The following SCN4B variants were observed in gnomAD, a reference collection of about 807,000 sequenced individuals.
SCN4B encodes sodium channel regulatory subunit beta-4.
A neutral mutation model predicts 19.6 loss-of-function variants in SCN4B; 20 were observed. The ratio of observed to expected loss-of-function variants is 1.02; its 90% CI spans 0.72 to 1.48. The LOEUF (loss-of-function observed/expected upper bound fraction) is 1.48. Among genes scored for constraint, SCN4B ranks in the 40% most tolerant of loss-of-function variants. The pLI is 0.00. For missense variants in SCN4B, 271 were observed against 287.5 expected, an observed-to-expected ratio of 0.94 and a Z score of 0.42; for synonymous variants, 127 against 122.8, an observed-to-expected ratio of 1.03 and a Z score of -0.22.
intron 1 of SCN4B, among the ~76,000 whole-genome samples, chr11:118,149,276 G>A (rs150132376): frequency 2.0e-5 from 3 of 152,322 alleles, no homozygotes; most frequent in Non-Finnish European, 4.4e-5. Context: ...CCCAGGATGC[G>A]GGGAGGAAAG....
Position 118,135,824 on chromosome 11 carries a change from G to A in SCN4B, c.*1203C>T, listed in dbSNP as rs1403188503. 1.5e-5 allele frequency: 7 copies of A among 454,392 alleles called. No homozygotes were observed. Among genetic ancestry groups the A allele is most frequent in the Non-Finnish European group, 3.1e-5 (7 of 226,782 alleles). The allele number at this position is 454,392 out of a possible 1,614,324, so 28.1% of individuals were successfully genotyped here. A position where few individuals can be genotyped will look rare whatever the true frequency, so the allele number is the denominator to read the frequency against. ...CCACACACAAGGGCTGTGCAAACCA[G>A]CTCTGGGAGAAGCAAAGGAAAACTG... On this transcript the variant is annotated 3_prime_UTR_variant, in exon 5 of 5. Transcript: ENST00000324727.
intron 4 of SCN4B, among the ~76,000 whole-genome samples, chr11:118,138,760 T>C (rs1036109446): frequency 1.1e-4 from 17 of 152,058 alleles, no homozygotes; most frequent in Non-Finnish European, 1.6e-4. Flanking sequence ...CAGGGAAGCT[T>C]TTTGGAAGTA....
Position 118,141,355 on chromosome 11 carries a change from G to A in SCN4B, c.464-19C>T, listed in dbSNP as rs2135501725. On this transcript the variant is annotated intron_variant, in intron 3 of 4. Transcript: ENST00000324727. ...TCTTCCACTGTGTGGCCCGAGTAGG[G>A]AGGAAAGGGAAGGCACAAAGGGAGC... is the stretch of plus-strand genomic sequence containing the variant. 8 of 1,612,198 alleles carry A rather than the reference G, an allele frequency of 5.0e-6. No homozygotes were observed. The highest frequency in any genetic ancestry group is 6.8e-6 in the Non-Finnish European group (8 of 1,180,006).
intron 3 of SCN4B, among the ~76,000 whole-genome samples, chr11:118,142,318 C>T (rs773511437): frequency 6.6e-6 from 1 of 152,226 alleles, no homozygotes; most frequent in African/African-American, 2.4e-5. Flanking sequence ...TGATTCTTCA[C>T]GCATCTGCCT....
chr11:118,151,926 T>C (rs1312427773), intron 1 of SCN4B, among the ~76,000 whole-genome samples: 1 of 152,366 alleles, frequency 6.6e-6, no homozygotes, highest in Admixed American at 6.5e-5. Flanking sequence ...TGTCTCCATA[T>C]TCACTTCAAA....
At chr11:118,145,318 C>G in intron 1 of SCN4B, 89 bp from the exon 2 acceptor site, 1 of 1,588,196 alleles carries the variant, frequency 6.3e-7, no homozygotes, top group Non-Finnish European at 8.5e-7. Context: ...GTAGCTTGGC[C>G]AGGCAGGTAG....
At chr11:118,142,625 C>T (rs1292562710) in intron 3 of SCN4B, among the ~76,000 whole-genome samples, 1 of 152,136 alleles carries the variant, frequency 6.6e-6, no homozygotes, top group African/African-American at 2.4e-5. Flanking sequence ...ATATCACATC[C>T]TCGGAATCTA....
chr11:118,147,576 C>T (rs954978103), intron 1 of SCN4B, among the ~76,000 whole-genome samples: 7 of 152,168 alleles, frequency 4.6e-5, no homozygotes, highest in African/African-American at 1.7e-4. Flanking sequence ...TACCTCTGCC[C>T]TCCTCCGCCC....
chr11:118,147,561 C>A (rs567222463), intron 1 of SCN4B, among the ~76,000 whole-genome samples: 1 of 152,302 alleles, frequency 6.6e-6, no homozygotes, highest in South Asian at 2.1e-4. Flanking sequence ...TCCTGCCTTT[C>A]TGTTTACCTC....
chr11:118,141,497 A>T (rs993357232), intron 3 of SCN4B, 161 bp from the exon 4 acceptor site: 38 of 784,970 alleles, frequency 4.8e-5, no homozygotes, highest in African/African-American at 4.8e-4. Context: ...CTGCAGCAGG[A>T]AGCTGGAGAG....
rs3741315 is a variant in SCN4B, at chr11:118,133,973, A to G, written c.*3054T>C. The G allele has an allele frequency of 0.61, 276,649 of 454,308 alleles. 84,841 individuals carry two copies. The highest frequency in any genetic ancestry group is 0.7 in the South Asian group (45,268 of 64,448). The allele number at this position is 454,308 out of a possible 1,614,324, so 28.1% of individuals were successfully genotyped here. ...CACCCCTTACATGCAGAGCCCATCC[A>G]CTCCACAGTTACGCTGCCATGCACC... On this transcript the variant is annotated 3_prime_UTR_variant, in exon 5 of 5. Coordinates refer to ENST00000324727, the MANE Select transcript of SCN4B (RefSeq NM_174934.4).
rs773921790 is a variant in SCN4B at position 118,137,096 on chromosome 11, C to G, written c.618G>C (p.Ser206=). The G allele has an allele frequency of 6.2e-7, 1 of 1,613,950 alleles. No homozygotes were observed. The highest frequency in any genetic ancestry group is 8.5e-7 in the Non-Finnish European group (1 of 1,179,824). Residue 206 remains serine, a synonymous_variant, in exon 5 of 5, where the codon TCG becomes TCC. Coordinates refer to ENST00000324727, the MANE Select transcript of SCN4B (RefSeq NM_174934.4). ...EKKKECLVSS[S]GNDNTENGLP... ...AGCCGTTCTCCGTGTTGTCATTCCC[C>G]GAGGAGCTCACGAGACACTCCTTCC...
At chr11:118,147,108 C>T (rs1412904374) in intron 1 of SCN4B, among the ~76,000 whole-genome samples, 1 of 152,152 alleles carries the variant, frequency 6.6e-6, no homozygotes. Flanking sequence ...CGAGAAAGTT[C>T]CCAGGGAATG....
Position 118,143,835 on chromosome 11 carries a change from C to T in SCN4B, c.461G>A (p.Arg154Lys). 1 of 1,611,232 alleles carries T rather than the reference C, an allele frequency of 6.2e-7. No homozygotes were observed. The highest frequency in any genetic ancestry group is 1.1e-5 in the South Asian group (1 of 90,970). ...CTGTGCCAGCCCCTACTGCATACGT[C>T]TATCAACGACTTGGAGGAAGATGGT... ...HATIFLQVVD[R>K]LEEVDNTVTL... Residue 154 changes from arginine to lysine, a missense_variant and splice_region_variant, in exon 3 of 5, where the codon AGA (arginine) becomes AAA (lysine). Arg to Lys is a conservative substitution (Grantham distance 26). Coordinates refer to ENST00000324727, the MANE Select transcript of SCN4B (RefSeq NM_174934.4).
chr11:118,142,348 G>C (rs1208447489), intron 3 of SCN4B, among the ~76,000 whole-genome samples: 3 of 152,170 alleles, frequency 2.0e-5, no homozygotes, highest in African/African-American at 4.8e-5. Flanking sequence ...TGCACTCACT[G>C]TTCCCTCCCT....
chr11:118,151,122 G>GCACA (rs3837425), intron 1 of SCN4B, among the ~76,000 whole-genome samples: 19,372 of 149,106 alleles, frequency 0.13, 1,275 homozygotes, highest in Middle Eastern at 0.19. Flanking sequence ...TTACACACGT[G>GCACA]CACACACACA....
rs1351902482 is a variant in SCN4B at position 118,133,818 on chromosome 11, T to C, written c.*3209A>G. 1 of 454,406 alleles carries C rather than the reference T, an allele frequency of 2.2e-6. No individual in the cohort carries two copies. The highest frequency in any genetic ancestry group is 1.6e-5 in the South Asian group (1 of 64,462). The allele number at this position is 454,406 out of a possible 1,614,324, so 28.1% of individuals were successfully genotyped here. On this transcript the variant is annotated 3_prime_UTR_variant, in exon 5 of 5. Transcript: ENST00000324727. The stretch of plus-strand genomic sequence containing the variant: ...GTGACACTGAGATGAAGTCATGGAG[T>C]GACGGAATGCAGGAGCACGGCTGGT...
intron 3 of SCN4B, 87 bp from the exon 4 acceptor site, chr11:118,141,423 ATG>A (rs1483862181): frequency 6.5e-7 from 1 of 1,544,244 alleles, no homozygotes; most frequent in Non-Finnish European, 8.9e-7. Flanking sequence ...TGCAAGGGCC[ATG>A]TAGCCTCCAC....
In SCN4B at chr11:118,135,968, G is replaced by A. The variant is rs1396313829; in HGVS notation, c.*1059C>T. 9 of 453,932 alleles carry A rather than the reference G, an allele frequency of 2.0e-5. No homozygotes were observed. Among genetic ancestry groups the A allele is most frequent in the Non-Finnish European group, 3.5e-5 (8 of 226,648 alleles). The allele number at this position is 453,932 out of a possible 1,614,324, so 28.1% of individuals were successfully genotyped here. ...TCCAAAGGAAGAGAGTCCCTGAGGC[G>A]AAGGCAGGCCCTTGACCCAGGGCTG... On this transcript the variant is annotated 3_prime_UTR_variant, in exon 5 of 5. Coordinates refer to ENST00000324727, the MANE Select transcript of SCN4B (RefSeq NM_174934.4).
Sources: allele counts gnomAD v4.1 joint callset (sites outside exome capture counted in the v4.1 genomes callset), GRCh38; gene constraint gnomAD v4.1.1; transcripts MANE v1.5; gene names NCBI Gene and HGNC (gene_info 2026-07-23, HGNC 2026-07-21).